Variants in RFX3 observed in about 807,000 individuals in gnomAD.
RFX3 encodes the protein transcription factor RFX3.
A neutral mutation model predicts 98.6 loss-of-function variants in RFX3; 14 were observed. That is an observed-to-expected ratio of 0.14 (90% CI 0.09 to 0.22). The LOEUF (loss-of-function observed/expected upper bound fraction) is 0.22. Ranked by LOEUF, RFX3 falls within the 10% of genes least tolerant of loss-of-function variation. RFX3 has a pLI of 1.00. For synonymous variants in RFX3, 383 were observed against 328.4 expected (o/e 1.17, Z -1.80); for missense variants, 639 against 926.9 (o/e 0.69, Z 4.03).
intron 14 of RFX3, among the ~76,000 whole-genome samples, chr9:3,249,973 A>C (rs896181344): frequency 4.6e-5 from 7 of 152,158 alleles, no homozygotes; most frequent in Middle Eastern, 3.4e-3. Flanking sequence ...GAATACTTTC[A>C]TTTGCATGCC....
chr9:3,490,112 C>A (rs1850621464), intron 1 of RFX3, among the ~76,000 whole-genome samples: 1 of 151,866 alleles, frequency 6.6e-6, no homozygotes, highest in South Asian at 2.1e-4. Flanking sequence ...AAGTTCTTCA[C>A]CATATTAACT....
intron 1 of RFX3, among the ~76,000 whole-genome samples, chr9:3,468,993 T>A (rs1047038551): frequency 1.3e-5 from 2 of 152,098 alleles, no homozygotes; most frequent in African/African-American, 4.8e-5. Context: ...TGTCAGTTTT[T>A]CGTAATACCC....
At chr9:3,272,073 T>C (rs1488643149) in intron 9 of RFX3, among the ~76,000 whole-genome samples, 1 of 152,140 alleles carries the variant, frequency 6.6e-6, no homozygotes, top group Non-Finnish European at 1.5e-5. Flanking sequence ...TTCCGTTAAC[T>C]GTCAATGATG....
chr9:3,355,386 T>C (rs535425658), intron 2 of RFX3, among the ~76,000 whole-genome samples: 21 of 151,854 alleles, frequency 1.4e-4, no homozygotes, highest in Admixed American at 1.4e-3. Context: ...CAAATGCCAA[T>C]TATAAGAAAA....
chr9:3,483,638 T>G lies in RFX3; in HGVS notation c.-9+42109A>C, dbSNP rs185807050. On this transcript the variant is annotated intron_variant, in intron 1 of 16. Transcript: ENST00000617270. ...CTTATAAAAGCACAATAATTCACAT[T>G]GAAATCCAGATTATAGATATCCAGG... is the stretch of plus-strand genomic sequence containing the variant. 3.3e-5 allele frequency among the ~76,000 whole-genome samples: 5 copies of G among 152,292 alleles called. No individual in the cohort carries two copies. In the East Asian group the frequency reaches 7.7e-4, roughly 24 times the overall value.
rs367776537 is a variant in RFX3, at chr9:3,223,639, C to T, written c.*1403G>A. 11 of 152,194 alleles carry T rather than the reference C, an allele frequency of 7.2e-5. No homozygotes were observed. The highest frequency in any genetic ancestry group is 1.7e-4 in the African/African-American group (7 of 41,458). 9.4% of individuals were successfully genotyped at this position (152,194 alleles called of 1,614,324 possible). On this transcript the variant is annotated 3_prime_UTR_variant, in exon 17 of 17. Transcript: ENST00000617270. ...ATCCACGGTCACTCAAAGAGGGAAA[C>T]TGATTTTTGTCTTTTTGTTTTCCTT...
intron 13 of RFX3, among the ~76,000 whole-genome samples, chr9:3,260,923 T>G (rs1256288406): frequency 6.6e-6 from 1 of 150,682 alleles, no homozygotes; most frequent in African/African-American, 2.4e-5. Flanking sequence ...TCTATATATA[T>G]ATATATCTCA....
intron 9 of RFX3, among the ~76,000 whole-genome samples, chr9:3,272,987 A>G (rs2131366017): frequency 6.6e-6 from 1 of 152,336 alleles, no homozygotes; most frequent in East Asian, 1.9e-4. Context: ...ATCTCTTCAA[A>G]TTAAATAATC....
At position 3,248,222 on chromosome 9, in the gene RFX3, T is replaced by G. The variant is rs955920927; in HGVS notation, c.1815-37A>C. 5 of 1,552,522 alleles carry G rather than the reference T, an allele frequency of 3.2e-6. No individual in the cohort carries two copies. In the African/African-American group the frequency reaches 6.9e-5, roughly 21 times the overall value. On this transcript the variant is annotated intron_variant, in intron 14 of 16. Transcript: ENST00000617270. ...GAAAAGACAAATATGCAGCTAACAT[T>G]AGTGACAAGAATTAGCATTCTACCT...
At chr9:3,522,561 GT>G (rs1261773598) in intron 1 of RFX3, among the ~76,000 whole-genome samples, 4 of 116,322 alleles carry the variant, frequency 3.4e-5, no homozygotes, top group African/African-American at 2.4e-4. Flanking sequence ...GTGTGCGTGT[GT>G]GTGTGTGTGT....
chr9:3,451,307 A>G lies in RFX3; in HGVS notation c.-8-55711T>C, dbSNP rs1340474040. ...ACACCTGCAATCTCAGAACTTTGGGAGGCTGAAGTAGGAAGTTCACTTGAG... is the reference window on the plus strand; with the variant it reads ...ACACCTGCAATCTCAGAACTTTGGGGGGCTGAAGTAGGAAGTTCACTTGAG... On this transcript the variant is annotated intron_variant, in intron 1 of 16. Transcript: ENST00000617270. 2.6e-5 allele frequency among the ~76,000 whole-genome samples: 4 copies of G among 152,294 alleles called. No individual in the cohort carries two copies. In the South Asian group the frequency reaches 8.3e-4, roughly 32 times the overall value.
At chr9:3,444,821 A>G (rs1031303808) in intron 1 of RFX3, among the ~76,000 whole-genome samples, 2 of 152,228 alleles carry the variant, frequency 1.3e-5, no homozygotes, top group Admixed American at 6.5e-5. Flanking sequence ...TATACTGACA[A>G]TTGAAGCTGT....
intron 3 of RFX3, chr9:3,344,976 T>G (rs1324619567): frequency 3.3e-6 from 2 of 613,016 alleles, no homozygotes; most frequent in Admixed American, 3.1e-5. Context: ...TTTACTGACT[T>G]TATTATGTGC....
At chr9:3,312,758 C>T (rs532139443) in intron 4 of RFX3, among the ~76,000 whole-genome samples, 8 of 152,168 alleles carry the variant, frequency 5.3e-5, no homozygotes, top group Non-Finnish European at 8.8e-5. Context: ...CATGGAGCCT[C>T]GCTCACTGCT....
At chr9:3,347,454 C>T (rs954758477) in intron 2 of RFX3, among the ~76,000 whole-genome samples, 2 of 151,864 alleles carry the variant, frequency 1.3e-5, no homozygotes, top group African/African-American at 4.8e-5. Flanking sequence ...GTAAAAAATC[C>T]TGTAATAACC....
intron 11 of RFX3, among the ~76,000 whole-genome samples, chr9:3,270,129 A>T (rs1824230568): frequency 7.6e-6 from 1 of 131,654 alleles, no homozygotes; most frequent in African/African-American, 2.6e-5. Context: ...AAAGAAAGGA[A>T]AGAAAGAAAG....
At chr9:3,231,937 G>A (rs1295204745) in intron 15 of RFX3, among the ~76,000 whole-genome samples, 1 of 152,090 alleles carries the variant, frequency 6.6e-6, no homozygotes, top group East Asian at 1.9e-4. Flanking sequence ...GGTGGCGGAG[G>A]CAGGAGAATC....
At chr9:3,491,735 T>A (rs1030913119) in intron 1 of RFX3, among the ~76,000 whole-genome samples, 17 of 152,180 alleles carry the variant, frequency 1.1e-4, no homozygotes, top group Admixed American at 2.6e-4. Flanking sequence ...GATTACAACT[T>A]CCTCAGGTAT....
At position 3,330,523 on chromosome 9, in the gene RFX3, G is replaced by A. The variant is rs1832467834; in HGVS notation, c.216-6C>T. 1.3e-6 allele frequency: 2 copies of A among 1,585,882 alleles called. No homozygotes were observed. Among genetic ancestry groups the A allele is most frequent in the Non-Finnish European group, 1.7e-6 (2 of 1,163,780 alleles). Reference sequence around the variant, plus strand: ...AAGGATACGTTGTTGTTCGGCTTTAGAAGAAGAAGAAAAAAGAAATTTACT... The same window carrying A: ...AAGGATACGTTGTTGTTCGGCTTTAAAAGAAGAAGAAAAAAGAAATTTACT... On this transcript the variant is annotated splice_polypyrimidine_tract_variant and splice_region_variant and intron_variant, in intron 3 of 16. Transcript: ENST00000617270.
Sources: gnomAD v4.1 joint callset for allele counts (sites outside exome capture counted in the v4.1 genomes callset) on GRCh38, gnomAD v4.1.1 for gene constraint, MANE v1.5 for transcripts, NCBI Gene and HGNC (gene_info 2026-07-23, HGNC 2026-07-21) for gene names.